The following DACH2 variants were observed in gnomAD, a reference collection of about 807,000 sequenced individuals.
DACH2 encodes the protein dachshund homolog 2.
A neutral mutation model predicts 35.8 loss-of-function variants in DACH2; 17 were observed. That is an observed-to-expected ratio of 0.48 (90% CI 0.33 to 0.71). The LOEUF (loss-of-function observed/expected upper bound fraction) is 0.71. Ranked by LOEUF, DACH2 falls within the 30% of genes least tolerant of loss-of-function variation. The pLI is 0.02. For missense variants in DACH2, 469 were observed against 472.7 expected, an observed-to-expected ratio of 0.99 and a Z score of 0.07; for synonymous variants, 195 against 177.3, an observed-to-expected ratio of 1.10 and a Z score of -0.79.
chrX:86,241,364 T>C (rs1162229486), intron 1 of DACH2, among the ~76,000 whole-genome samples: 1 of 111,705 alleles, frequency 9.0e-6, no homozygotes, highest in Non-Finnish European at 1.9e-5. Context: ...CCTAGAGATG[T>C]TTGGAACTTT....
intron 1 of DACH2, among the ~76,000 whole-genome samples, chrX:86,374,928 G>A (rs1379961212): frequency 9.1e-6 from 1 of 109,706 alleles, no homozygotes; most frequent in Non-Finnish European, 1.9e-5. Flanking sequence ...CAAAGTATAA[G>A]GAAAACTAAA....
At chrX:86,556,801 G>T (rs1176882494) in intron 3 of DACH2, among the ~76,000 whole-genome samples, 26 of 74,955 alleles carry the variant, frequency 3.5e-4, no homozygotes, top group East Asian at 2.2e-3. Context: ...TATATAGAGA[G>T]AGAGAGAGAG....
intron 6 of DACH2, among the ~76,000 whole-genome samples, chrX:86,715,508 A>G (rs1437272715): frequency 9.0e-6 from 1 of 111,056 alleles, no homozygotes; most frequent in African/African-American, 3.3e-5. Flanking sequence ...GAGGTGATAT[A>G]TGGGTACATA....
chrX:86,397,023 C>A (rs2036309946), intron 2 of DACH2, among the ~76,000 whole-genome samples: 1 of 111,023 alleles, frequency 9.0e-6, no homozygotes, highest in Non-Finnish European at 1.9e-5. Context: ...TACCCGTGAG[C>A]ATGGAATGGT....
chrX:86,313,120 T>C (rs2034831872), intron 1 of DACH2, among the ~76,000 whole-genome samples: 1 of 111,387 alleles, frequency 9.0e-6, no homozygotes. Flanking sequence ...TTATATAATA[T>C]ATACATGTAT....
intron 6 of DACH2, among the ~76,000 whole-genome samples, chrX:86,732,444 C>A (rs1186577113): frequency 8.9e-6 from 1 of 112,361 alleles, no homozygotes; most frequent in Non-Finnish European, 1.9e-5. Flanking sequence ...CCACTTCTGG[C>A]TAAAGCCATC....
chrX:86,743,811 G>A (rs886630043), intron 7 of DACH2, among the ~76,000 whole-genome samples: 3 of 111,259 alleles, frequency 2.7e-5, no homozygotes, highest in African/African-American at 9.8e-5. Context: ...AGAAAGTCAG[G>A]TTCATGATAT....
chrX:86,506,235 T>A (rs2038321490), intron 2 of DACH2, among the ~76,000 whole-genome samples: 1 of 111,475 alleles, frequency 9.0e-6, no homozygotes, highest in Non-Finnish European at 1.9e-5. Context: ...TGGCAGAATT[T>A]AATTCATTAT....
intron 7 of DACH2, among the ~76,000 whole-genome samples, chrX:86,774,305 T>A (rs745417265): frequency 2.4e-4 from 27 of 112,156 alleles, no homozygotes; most frequent in African/African-American, 7.4e-4. Context: ...GCCCCCCTTT[T>A]AAAACATGAA....
chrX:86,610,408 TCTTTCTTTC>T (rs2039923633), intron 3 of DACH2, among the ~76,000 whole-genome samples: 1 of 79,795 alleles, frequency 1.3e-5, no homozygotes, highest in Admixed American at 1.3e-4. Flanking sequence ...TTTCTTTCTT[TCTTTCTTTC>T]TTTTCTTTCT....
Position 86,794,350 on chromosome X carries a change from C to G in DACH2, c.1241-18506C>G, listed in dbSNP as rs1347446175. On this transcript the variant is annotated intron_variant, in intron 7 of 11. Coordinates refer to ENST00000373125, the MANE Select transcript of DACH2 (RefSeq NM_053281.3). ...AGACCATTCTTTTATTACAGGAGACCTAAGTAATTGTTCTTATTTTACATC... is the reference window on the plus strand; with the variant it reads ...AGACCATTCTTTTATTACAGGAGACGTAAGTAATTGTTCTTATTTTACATC... Among the ~76,000 whole-genome samples the G allele has an allele frequency of 3.6e-5, 4 of 110,249 alleles. No homozygotes were observed. The Admixed American group carries it at 3.9e-4, about 11-fold the overall frequency.
At position 86,415,760 on chromosome X, in the gene DACH2, G is replaced by C. The variant is rs757756689; in HGVS notation, c.527+38898G>C. On this transcript the variant is annotated intron_variant, in intron 2 of 11. Coordinates refer to ENST00000373125, the MANE Select transcript of DACH2 (RefSeq NM_053281.3). Reference sequence around the variant, plus strand: ...AATACATGGCTCTCACTGTACTTTAGCTGTAGTGCAGCATTTCCAGTAAGA... The same window carrying C: ...AATACATGGCTCTCACTGTACTTTACCTGTAGTGCAGCATTTCCAGTAAGA... Among the ~76,000 whole-genome samples the C allele has an allele frequency of 9.8e-5, 11 of 112,151 alleles. No individual in the cohort carries two copies. In the South Asian group the frequency reaches 3.3e-3, roughly 34 times the overall value.
At chrX:86,615,702 G>A (rs568802050) in intron 3 of DACH2, among the ~76,000 whole-genome samples, 5 of 110,783 alleles carry the variant, frequency 4.5e-5, no homozygotes, top group African/African-American at 1.6e-4. Flanking sequence ...CCCTCATCCT[G>A]TAACCGGTAT....
At chrX:86,494,644 TA>T (rs1655481101) in intron 2 of DACH2, among the ~76,000 whole-genome samples, 1 of 112,681 alleles carries the variant, frequency 8.9e-6, no homozygotes. Flanking sequence ...TTTAATCTTG[TA>T]TTTTTTTGGT....
At chrX:86,801,982 A>C (rs1407176859) in intron 7 of DACH2, among the ~76,000 whole-genome samples, 1 of 112,162 alleles carries the variant, frequency 8.9e-6, no homozygotes, top group Non-Finnish European at 1.9e-5. Context: ...ACTGGTTGAT[A>C]TATGTCTTTA....
chrX:86,320,543 C>T (rs2034996500), intron 1 of DACH2, among the ~76,000 whole-genome samples: 1 of 112,121 alleles, frequency 8.9e-6, no homozygotes, highest in Admixed American at 9.4e-5. Context: ...TGTCTGTTAG[C>T]TAAAGCCTTT....
intron 3 of DACH2, among the ~76,000 whole-genome samples, chrX:86,554,190 C>T (rs1342810734): frequency 3.6e-5 from 4 of 111,147 alleles, no homozygotes; most frequent in Admixed American, 1.9e-4. Context: ...TTTTGTATGG[C>T]TTTTGTAAGT....
chrX:86,805,608 A>G (rs2042337326), intron 7 of DACH2, among the ~76,000 whole-genome samples: 1 of 108,213 alleles, frequency 9.2e-6, no homozygotes, highest in Admixed American at 9.9e-5. Context: ...CCAAACTTTT[A>G]TGCCCTGCTC....
At chrX:86,784,748 C>A (rs1206016218) in intron 7 of DACH2, among the ~76,000 whole-genome samples, 1 of 111,937 alleles carries the variant, frequency 8.9e-6, no homozygotes, top group East Asian at 2.8e-4. Flanking sequence ...CAGTGATAGA[C>A]TGGATAAAGA....
Sources: gnomAD v4.1 joint callset for allele counts (sites outside exome capture counted in the v4.1 genomes callset) on GRCh38, gnomAD v4.1.1 for gene constraint, MANE v1.5 for transcripts, NCBI Gene and HGNC (gene_info 2026-07-23, HGNC 2026-07-21) for gene names.